The following STAT3 variants were observed in gnomAD, a reference collection of about 807,000 sequenced individuals.
STAT3 encodes DNA-binding protein APRF.
A neutral mutation model predicts 114.3 loss-of-function variants in STAT3; 7 were observed. The observed-to-expected ratio is 0.06, with a 90% CI of 0.03 to 0.11. The LOEUF is 0.11. Ranked by LOEUF, STAT3 falls within the 10% of genes least tolerant of loss-of-function variation. STAT3 has a pLI of 1.00. For synonymous variants in STAT3, 331 were observed against 354.5 expected, an observed-to-expected ratio of 0.93 and a Z score of 0.74; for missense variants, 364 against 960.9, an observed-to-expected ratio of 0.38 and a Z score of 8.21.
rs370123809 is a variant in STAT3 at position 42,337,604 on chromosome 17, C to G, written c.646-18G>C. ...ACGATGCTCTGGTTGGAAACCAAAA[C>G]AAAGTCAGAAAACATTTCCTCAGAC... On this transcript the variant is annotated intron_variant, in intron 7 of 23. Coordinates refer to ENST00000264657, the MANE Select transcript of STAT3 (RefSeq NM_139276.3). The surrounding 1 kb of genome is among the most constrained non-coding windows in gnomAD (Gnocchi z 4.0). 6 of 1,614,224 alleles carry G rather than the reference C, an allele frequency of 3.7e-6. No individual in the cohort carries two copies. Among genetic ancestry groups the G allele is most frequent in the South Asian group, 1.1e-5 (1 of 91,086 alleles).
rs894554346 is a variant in STAT3 at position 42,315,097 on chromosome 17, T to C, written c.*648A>G. The stretch of plus-strand genomic sequence containing the variant: ...GGATGGTCTTGATCTCCTGACCTTA[T>C]GATCCGCCTCGGCCTCCCAAAGTGC... On this transcript the variant is annotated 3_prime_UTR_variant, in exon 24 of 24. Coordinates refer to ENST00000264657, the MANE Select transcript of STAT3 (RefSeq NM_139276.3). 17 of 190,318 alleles carry C rather than the reference T, an allele frequency of 8.9e-5. No individual in the cohort carries two copies. Among genetic ancestry groups the C allele is most frequent in the African/African-American group, 1.4e-4 (6 of 42,918 alleles). The allele number at this position is 190,318 out of a possible 1,614,324, so 11.8% of individuals were successfully genotyped here.
intron 1 of STAT3, among the ~76,000 whole-genome samples, chr17:42,369,777 G>A (rs2084005223): frequency 6.6e-6 from 1 of 152,016 alleles, no homozygotes; most frequent in Non-Finnish European, 1.5e-5. Flanking sequence ...TCCCACCTCA[G>A]CCTCCTGAGT....
chr17:42,380,116 C>A (rs2084693754), intron 1 of STAT3, among the ~76,000 whole-genome samples: 1 of 152,082 alleles, frequency 6.6e-6, no homozygotes, highest in Non-Finnish European at 1.5e-5. Flanking sequence ...CTCACTGCAA[C>A]CCCCACCTCC....
At chr17:42,323,549 C>T (rs754805332) in intron 18 of STAT3, 24 bp downstream of exon 18, 44 of 1,613,290 alleles carry the variant, frequency 2.7e-5, no homozygotes, top group Admixed American at 2.2e-4. Context: ...CCCATTCCCA[C>T]GAGAATTTAA....
chr17:42,384,134 T>TA lies in STAT3; in HGVS notation c.-24+4144_-24+4145insT, dbSNP rs927051638. On this transcript the variant is annotated intron_variant, in intron 1 of 23. Coordinates refer to ENST00000264657, the MANE Select transcript of STAT3 (RefSeq NM_139276.3). Reference sequence around the variant, plus strand: ...TTTATTTATTTATTTATTTATTTATTTTTTTTTTTTTTGAGACGGAGTCTC... The same window carrying TA: ...TTTATTTATTTATTTATTTATTTATTATTTTTTTTTTTTGAGACGGAGTCTC... Among the ~76,000 whole-genome samples, 12 of 107,594 alleles carry TA rather than the reference T, an allele frequency of 1.1e-4. No homozygotes were observed. In the East Asian group the frequency reaches 1.1e-3, roughly 10 times the overall value. 70.6% of individuals were successfully genotyped at this position (107,594 alleles called of 152,430 possible). A position where few individuals can be genotyped will look rare whatever the true frequency, so the allele number is the denominator to read the frequency against.
At chr17:42,328,001 G>A (rs1323385177) in intron 14 of STAT3, among the ~76,000 whole-genome samples, 2 of 148,826 alleles carry the variant, frequency 1.3e-5, no homozygotes, top group African/African-American at 5.0e-5. Flanking sequence ...AGCTGAGATC[G>A]CACCACTGCA....
chr17:42,388,310 G>C lies in STAT3; in HGVS notation c.-55C>G, dbSNP rs886052944. 4.9e-6 allele frequency: 6 copies of C among 1,231,756 alleles called. No individual in the cohort carries two copies. The highest frequency in any genetic ancestry group is 6.1e-6 in the Non-Finnish European group (6 of 988,098). The allele number at this position is 1,231,756 out of a possible 1,614,324, so 76.3% of individuals were successfully genotyped here. ...CTCCGGCAGAGGCCGAGAGGCCGGGGCTGCGCGTGTGCCGGGGACGGGCGG... is the reference window on the plus strand; with the variant it reads ...CTCCGGCAGAGGCCGAGAGGCCGGGCCTGCGCGTGTGCCGGGGACGGGCGG... On this transcript the variant is annotated 5_prime_UTR_variant, in exon 1 of 24. Transcript: ENST00000264657.
chr17:42,365,840 G>C (rs530938717), intron 1 of STAT3, among the ~76,000 whole-genome samples: 8 of 151,912 alleles, frequency 5.3e-5, no homozygotes, highest in African/African-American at 1.9e-4. Flanking sequence ...ATTTTCAGTA[G>C]AGACAGGGTT....
chr17:42,367,898 CTG>C (rs1301101784), intron 1 of STAT3, among the ~76,000 whole-genome samples: 1 of 152,180 alleles, frequency 6.6e-6, no homozygotes, highest in East Asian at 1.9e-4. Flanking sequence ...ATAGAGAAAA[CTG>C]AAGTACCATA....
chr17:42,368,854 A>T (rs904808030), intron 1 of STAT3, among the ~76,000 whole-genome samples: 1 of 151,940 alleles, frequency 6.6e-6, no homozygotes, highest in African/African-American at 2.4e-5. Context: ...TTAAGTATTA[A>T]GCCCAATACC....
intron 21 of STAT3, among the ~76,000 whole-genome samples, chr17:42,318,708 T>C (rs537601795): frequency 1.6e-4 from 25 of 152,156 alleles, no homozygotes; most frequent in African/African-American, 5.8e-4. Flanking sequence ...TCATAAAACA[T>C]GAGGCTTAGA....
At chr17:42,318,786 T>C (rs2081349966) in intron 21 of STAT3, among the ~76,000 whole-genome samples, 1 of 152,210 alleles carries the variant, frequency 6.6e-6, no homozygotes, top group Non-Finnish European at 1.5e-5. Flanking sequence ...GCTCTTGGGC[T>C]GCCATCTGAG....
chr17:42,348,241 G>T, intron 2 of STAT3, 148 bp downstream of exon 2: 2 of 1,186,676 alleles, frequency 1.7e-6, no homozygotes, highest in Non-Finnish European at 2.4e-6. Flanking sequence ...AAGACCAAAG[G>T]GTGCCCCTTT....
chr17:42,338,678 C>A, intron 6 of STAT3, 53 bp downstream of exon 6: 1 of 1,546,422 alleles, frequency 6.5e-7, no homozygotes, highest in African/African-American at 1.4e-5. Flanking sequence ...TCTTTCAACT[C>A]AACAACACAA....
intron 20 of STAT3, 131 bp from the exon 21 acceptor site, chr17:42,322,625 T>TAG: frequency 1.0e-6 from 1 of 979,922 alleles, no homozygotes; most frequent in Non-Finnish European, 1.6e-6. Context: ...CTGAACACCC[T>TAG]GTTCAGTGGC....
intron 4 of STAT3, among the ~76,000 whole-genome samples, chr17:42,343,490 G>A (rs1184596713): frequency 5.7e-5 from 7 of 122,098 alleles, no homozygotes; most frequent in Admixed American, 1.1e-4. Context: ...TCGGAGTCTC[G>A]CTCTGTCGCC....
At chr17:42,340,021 A>G (rs11870967) in intron 4 of STAT3, among the ~76,000 whole-genome samples, 3,415 of 152,246 alleles carry the variant, frequency 0.022, 130 homozygotes, top group African/African-American at 0.078. Flanking sequence ...GAATGAATGA[A>G]TTAAAGAAAT....
At chr17:42,332,989 AC>A (rs1182169758) in intron 10 of STAT3, among the ~76,000 whole-genome samples, 1 of 152,172 alleles carries the variant, frequency 6.6e-6, no homozygotes, top group Non-Finnish European at 1.5e-5. Context: ...TGAGAGTGAG[AC>A]CCTGTCTCAA....
At chr17:42,358,704 C>T (rs1268003865) in intron 1 of STAT3, among the ~76,000 whole-genome samples, 1 of 152,076 alleles carries the variant, frequency 6.6e-6, no homozygotes, top group Non-Finnish European at 1.5e-5. Flanking sequence ...GGTGCAAAAC[C>T]CTGCCTGACA....
Sources: allele counts gnomAD v4.1 joint callset (sites outside exome capture counted in the v4.1 genomes callset), GRCh38; gene constraint gnomAD v4.1.1; non-coding constraint Gnocchi (gnomAD v3.1); transcripts MANE v1.5; gene names NCBI Gene and HGNC (gene_info 2026-07-23, HGNC 2026-07-21).